The following CAP2 variants were observed in gnomAD, a reference collection of about 807,000 sequenced individuals.
CAP2 encodes the protein cyclase associated actin cytoskeleton regulatory protein 2, also known as adenylyl cyclase-associated protein 2.
Under a neutral mutation model 57.7 loss-of-function variants are expected in CAP2, and 24 were observed. The ratio of observed to expected loss-of-function variants is 0.42; its 90% CI spans 0.30 to 0.58. The LOEUF (loss-of-function observed/expected upper bound fraction) is 0.58. CAP2 is among the 20% of genes least tolerant of loss of function. The pLI is 0.22. For synonymous variants in CAP2, 194 were observed against 207.2 expected (o/e 0.94, Z 0.55); for missense variants, 501 against 590.3 (o/e 0.85, Z 1.57).
chr6:17,538,457 T>TA (rs1581606070), intron 7 of CAP2, among the ~76,000 whole-genome samples: 3 of 151,734 alleles, frequency 2.0e-5, no homozygotes, highest in East Asian at 1.9e-4. Flanking sequence ...CCTGTCTCCT[T>TA]AAAAAAAAGC....
At chr6:17,446,184 T>A (rs991564945) in intron 3 of CAP2, among the ~76,000 whole-genome samples, 21 of 152,226 alleles carry the variant, frequency 1.4e-4, no homozygotes, top group African/African-American at 5.1e-4. Flanking sequence ...CTAAAACATT[T>A]ATTTTACCAT....
intron 3 of CAP2, among the ~76,000 whole-genome samples, chr6:17,453,307 A>G (rs143261166): frequency 2.7e-4 from 41 of 152,334 alleles, no homozygotes; most frequent in African/African-American, 8.7e-4. Context: ...ATTGAGGTCT[A>G]GATGGTGTAG....
At chr6:17,463,146 G>A in intron 4 of CAP2, 73 bp downstream of exon 4, 1 of 1,066,600 alleles carries the variant, frequency 9.4e-7, no homozygotes. Flanking sequence ...GGAGGCAACA[G>A]AAGCATTTAT....
rs972513923 is a variant in CAP2 at position 17,513,166 on chromosome 6, T to C, written c.531-683T>C. 6.6e-6 allele frequency among the ~76,000 whole-genome samples: 1 copy of C among 152,152 alleles called. No individual in the cohort carries two copies. Among genetic ancestry groups the C allele is most frequent in the East Asian group, 1.9e-4 (1 of 5,188 alleles). ...TAATCCCATTATAAAAGGTAAGCAT[T>C]TTACTAGCCCTTGGTTCAATAAAAT... On this transcript the variant is annotated intron_variant, in intron 6 of 12. Coordinates refer to ENST00000229922, the MANE Select transcript of CAP2 (RefSeq NM_006366.3). This position sits in a 1 kb window ranked among gnomAD's most constrained non-coding sequence, Gnocchi z 4.3.
chr6:17,531,544 G>A (rs1581600328), intron 7 of CAP2: 1 of 1,541,982 alleles, frequency 6.5e-7, no homozygotes, highest in African/African-American at 1.4e-5. Flanking sequence ...TCTTTCTCAG[G>A]TGCTTGATCT....
intron 3 of CAP2, among the ~76,000 whole-genome samples, chr6:17,431,629 A>C (rs1222650922): frequency 6.6e-6 from 1 of 152,184 alleles, no homozygotes; most frequent in East Asian, 1.9e-4. Context: ...TAATGAGTTC[A>C]AAGAGTGGCA....
chr6:17,555,942 G>C (rs1453038851), intron 12 of CAP2, among the ~76,000 whole-genome samples: 1 of 152,172 alleles, frequency 6.6e-6, no homozygotes, highest in East Asian at 1.9e-4. Flanking sequence ...AGGTAAGATA[G>C]AGCGCAGATT....
At chr6:17,435,681 T>TAAAAAAA (rs71002211) in intron 3 of CAP2, among the ~76,000 whole-genome samples, 16 of 67,406 alleles carry the variant, frequency 2.4e-4, no homozygotes, top group East Asian at 6.7e-4. Flanking sequence ...TAGAGTATAA[T>TAAAAAAA]AAAAAAAAAA....
At chr6:17,429,462 T>C (rs1165175689) in intron 3 of CAP2, among the ~76,000 whole-genome samples, 1 of 152,204 alleles carries the variant, frequency 6.6e-6, no homozygotes, top group Admixed American at 6.5e-5. Context: ...TTTGCATTTT[T>C]TAAAAAAGTA....
intron 7 of CAP2, among the ~76,000 whole-genome samples, chr6:17,530,266 A>C (rs529228151): frequency 6.6e-6 from 1 of 152,142 alleles, no homozygotes; most frequent in East Asian, 1.9e-4. Context: ...CTTTTAGTAG[A>C]GACAGGATCT....
At chr6:17,531,960 A>T (rs1762653928) in intron 7 of CAP2, among the ~76,000 whole-genome samples, 1 of 152,160 alleles carries the variant, frequency 6.6e-6, no homozygotes, top group Non-Finnish European at 1.5e-5. Flanking sequence ...AACAGAACGT[A>T]TGCCTGTTTC....
chr6:17,482,936 T>C (rs746712390), intron 4 of CAP2, among the ~76,000 whole-genome samples: 35 of 152,276 alleles, frequency 2.3e-4, no homozygotes, highest in Non-Finnish European at 4.6e-4. Flanking sequence ...ATTGTTATTA[T>C]CTGTGTAATG....
chr6:17,423,007 T>A (rs1356197976), intron 2 of CAP2, among the ~76,000 whole-genome samples: 1 of 152,208 alleles, frequency 6.6e-6, no homozygotes, highest in East Asian at 1.9e-4. Context: ...GAAATTCAAA[T>A]TGAACCAGGC....
At chr6:17,445,413 A>T (rs2113570191) in intron 3 of CAP2, among the ~76,000 whole-genome samples, 1 of 152,266 alleles carries the variant, frequency 6.6e-6, no homozygotes. Context: ...GGCCTCTATA[A>T]ATATTTTAAA....
chr6:17,469,316 T>G (rs1219318984), intron 4 of CAP2, among the ~76,000 whole-genome samples: 1 of 152,178 alleles, frequency 6.6e-6, no homozygotes, highest in African/African-American at 2.4e-5. Flanking sequence ...ACAGCAGGCT[T>G]TCTGCTGCCT....
intron 7 of CAP2, among the ~76,000 whole-genome samples, chr6:17,536,650 A>C (rs1014122804): frequency 6.6e-6 from 1 of 152,208 alleles, no homozygotes; most frequent in Non-Finnish European, 1.5e-5. Context: ...TCTGAGAGCT[A>C]GGGAACCATC....
chr6:17,426,837 C>G (rs1270330752), intron 3 of CAP2, 147 bp downstream of exon 3: 2 of 634,498 alleles, frequency 3.2e-6, no homozygotes, highest in African/African-American at 3.7e-5. Context: ...TTCATTTACC[C>G]ATTTATTCAT....
chr6:17,417,093 T>A (rs1460823588), intron 1 of CAP2, among the ~76,000 whole-genome samples: 1 of 150,110 alleles, frequency 6.7e-6, no homozygotes. Context: ...TGAGACTCTG[T>A]CTCAAAACAA....
chr6:17,424,787 G>C (rs1225705944), intron 2 of CAP2, among the ~76,000 whole-genome samples: 2 of 152,166 alleles, frequency 1.3e-5, no homozygotes, highest in Non-Finnish European at 1.5e-5. Context: ...AAGGAAATTG[G>C]AAAATATTCC....
Sources: gnomAD v4.1 joint callset for allele counts (sites outside exome capture counted in the v4.1 genomes callset) on GRCh38, gnomAD v4.1.1 for gene constraint, Gnocchi (gnomAD v3.1) non-coding constraint, MANE v1.5 for transcripts, NCBI Gene and HGNC (gene_info 2026-07-23, HGNC 2026-07-21) for gene names.